The following KIAA0825 variants were observed in gnomAD, a reference collection of about 807,000 sequenced individuals.
The protein encoded by KIAA0825 is uncharacterized protein KIAA0825.
Under a neutral mutation model 147.6 loss-of-function variants are expected in KIAA0825, and 119 were observed. That is an observed-to-expected ratio of 0.81 (90% confidence interval 0.69 to 0.94). The LOEUF is 0.94. Among genes scored for constraint, KIAA0825 ranks in the 40% least tolerant of loss-of-function variants. The probability of loss-of-function intolerance (pLI) is 0.00; values close to 1 mark genes in which losing one functional copy is unlikely to be tolerated. For missense variants in KIAA0825, 1,381 were observed against 1,472.7 expected, an observed-to-expected ratio of 0.94 and a Z score of 1.02; for synonymous variants, 470 against 518.1, an observed-to-expected ratio of 0.91 and a Z score of 1.26.
At chr5:94,201,061 G>A (rs1248563431) in intron 20 of KIAA0825, among the ~76,000 whole-genome samples, 1 of 146,100 alleles carries the variant, frequency 6.8e-6, no homozygotes, top group African/African-American at 2.5e-5. Context: ...AGCAGTATCT[G>A]CATAAAAATA....
chr5:94,536,510 C>T (rs1772049413), intron 3 of KIAA0825, among the ~76,000 whole-genome samples: 1 of 152,168 alleles, frequency 6.6e-6, no homozygotes, highest in African/African-American at 2.4e-5. Context: ...CTGTTTCCCC[C>T]AGTATTTGGT....
chr5:94,167,845 A>G (rs1177487105), intron 20 of KIAA0825, among the ~76,000 whole-genome samples: 1 of 151,922 alleles, frequency 6.6e-6, no homozygotes, highest in African/African-American at 2.4e-5. Context: ...TTTAGAAGTT[A>G]CAAAACATAG....
rs1761771234 is a variant in KIAA0825 at position 94,475,507 on chromosome 5, T to C, written c.1227+1604A>G. Reference sequence around the variant, plus strand: ...GAAAAACAAGTACATTAACAGCTGCTCTTAAAAAGAAAACTGAAGGCCAGG... The same window carrying C: ...GAAAAACAAGTACATTAACAGCTGCCCTTAAAAAGAAAACTGAAGGCCAGG... On this transcript the variant is annotated intron_variant, in intron 7 of 20. Coordinates refer to ENST00000682413, the MANE Select transcript of KIAA0825 (RefSeq NM_001145678.3). 2.0e-5 allele frequency among the ~76,000 whole-genome samples: 3 copies of C among 152,174 alleles called. No individual in the cohort carries two copies. In the South Asian group the frequency reaches 6.2e-4, roughly 32 times the overall value.
chr5:94,297,076 A>G (rs1379000562), intron 20 of KIAA0825, among the ~76,000 whole-genome samples: 1 of 152,214 alleles, frequency 6.6e-6, no homozygotes, highest in Non-Finnish European at 1.5e-5. Flanking sequence ...TTATCCTTTA[A>G]TAAACATTTT....
At chr5:94,162,422 C>T (rs1767669517) in intron 20 of KIAA0825, among the ~76,000 whole-genome samples, 1 of 151,920 alleles carries the variant, frequency 6.6e-6, no homozygotes, top group Admixed American at 6.6e-5. Flanking sequence ...GCCTCAGCCT[C>T]CCAGGTAGCT....
At chr5:94,205,300 T>TATATATATATATA (rs1554242872) in intron 20 of KIAA0825, among the ~76,000 whole-genome samples, 87 of 133,820 alleles carry the variant, frequency 6.5e-4, no homozygotes, top group Middle Eastern at 3.9e-3. Flanking sequence ...TATATATATA[T>TATATATATATATA]TTTGTTTTGT....
intron 1 of KIAA0825, among the ~76,000 whole-genome samples, chr5:94,586,286 C>T (rs1346487864): frequency 6.6e-6 from 1 of 152,030 alleles, no homozygotes; most frequent in Non-Finnish European, 1.5e-5. Context: ...AATAGGTAGA[C>T]CACTAGCCAG....
At position 94,396,414 on chromosome 5, in the gene KIAA0825, A is replaced by T. The variant is rs1227559952; in HGVS notation, c.2983T>A (p.Phe995Ile). The T allele has an allele frequency of 6.4e-7, 1 of 1,550,690 alleles. No individual in the cohort carries two copies. The highest frequency in any genetic ancestry group is 2.4e-5 in the East Asian group (1 of 40,916). The change falls in exon 17 of 21, where the codon TTT becomes ATT. Residue 995 changes from phenylalanine to isoleucine, a missense_variant. By Grantham distance (21) the Phe-to-Ile change is conservative. Coordinates refer to ENST00000682413, the MANE Select transcript of KIAA0825 (RefSeq NM_001145678.3). ...CLPPPVKYFFFLSERKMSKKF... is the reference protein window; with the variant it reads ...CLPPPVKYFFILSERKMSKKF... ...TTTGACATTTTTCTCTCAGACAGAA[A>T]AAAGAAGTATTTAACTGGGGGAGGC...
intron 14 of KIAA0825, among the ~76,000 whole-genome samples, chr5:94,428,177 G>C (rs2150771107): frequency 6.6e-6 from 1 of 150,432 alleles, no homozygotes; most frequent in Middle Eastern, 3.4e-3. Flanking sequence ...GTGTGTGTGT[G>C]TGTGTGTGTG....
intron 2 of KIAA0825, among the ~76,000 whole-genome samples, chr5:94,561,252 G>A (rs1258014717): frequency 6.6e-6 from 1 of 152,172 alleles, no homozygotes; most frequent in Non-Finnish European, 1.5e-5. Context: ...TTGAGAGGAT[G>A]GCACACCCAG....
chr5:94,355,052 A>G (rs765909603), intron 20 of KIAA0825, among the ~76,000 whole-genome samples: 6 of 152,230 alleles, frequency 3.9e-5, no homozygotes, highest in Non-Finnish European at 5.9e-5. Flanking sequence ...TCCACGCTAT[A>G]GGTAAATTTA....
At chr5:94,521,204 T>G (rs954608130) in intron 4 of KIAA0825, among the ~76,000 whole-genome samples, 8 of 151,788 alleles carry the variant, frequency 5.3e-5, no homozygotes, top group African/African-American at 1.9e-4. Context: ...CAATATACCC[T>G]GAGCTGTATA....
intron 20 of KIAA0825, among the ~76,000 whole-genome samples, chr5:94,353,154 A>C (rs1379670497): frequency 6.6e-6 from 1 of 152,240 alleles, no homozygotes; most frequent in Non-Finnish European, 1.5e-5. Context: ...TAAAGCCAGG[A>C]AACAACAATT....
intron 1 of KIAA0825, among the ~76,000 whole-genome samples, chr5:94,607,623 A>G (rs1219850218): frequency 6.6e-6 from 1 of 152,110 alleles, no homozygotes; most frequent in Non-Finnish European, 1.5e-5. Flanking sequence ...ACAAACAAAC[A>G]AACAAACAAA....
intron 16 of KIAA0825, among the ~76,000 whole-genome samples, chr5:94,399,236 A>G (rs761937947): frequency 1.3e-5 from 2 of 152,064 alleles, no homozygotes; most frequent in African/African-American, 2.4e-5. Flanking sequence ...GAAATGTCTC[A>G]TTGTTCTTTT....
chr5:94,369,640 G>A (rs1275676274), intron 20 of KIAA0825, among the ~76,000 whole-genome samples: 1 of 152,122 alleles, frequency 6.6e-6, no homozygotes, highest in Non-Finnish European at 1.5e-5. Flanking sequence ...TGTAACTGGG[G>A]CCTGAGGCAA....
chr5:94,319,154 CA>C (rs1490253937), intron 20 of KIAA0825, among the ~76,000 whole-genome samples: 1 of 151,984 alleles, frequency 6.6e-6, no homozygotes, highest in East Asian at 2.0e-4. Flanking sequence ...ACAAGTGACT[CA>C]AAGGAGACAA....
intron 20 of KIAA0825, among the ~76,000 whole-genome samples, chr5:94,382,435 C>T (rs1256481208): frequency 6.6e-6 from 1 of 152,128 alleles, no homozygotes; most frequent in Non-Finnish European, 1.5e-5. Flanking sequence ...TCATAAATAA[C>T]CTTCTTAAAA....
intron 20 of KIAA0825, among the ~76,000 whole-genome samples, chr5:94,292,431 C>G (rs944220601): frequency 1.3e-5 from 2 of 152,080 alleles, no homozygotes; most frequent in Non-Finnish European, 1.5e-5. Context: ...GTATGTCGAA[C>G]CAGCCTTGCA....
Sources: gnomAD v4.1 joint callset for allele counts (sites outside exome capture counted in the v4.1 genomes callset) on GRCh38, gnomAD v4.1.1 for gene constraint, MANE v1.5 for transcripts, NCBI Gene and HGNC (gene_info 2026-07-23, HGNC 2026-07-21) for gene names.